Variants in PEX5L observed in about 807,000 individuals in gnomAD.
PEX5L encodes the protein peroxisomal biogenesis factor 5 like.
In PEX5L, 30 loss-of-function variants were observed where a neutral mutation model predicts 84.0. That is an observed-to-expected ratio of 0.36 (90% confidence interval 0.27 to 0.48). PEX5L has a LOEUF of 0.48. PEX5L is among the 20% of genes least tolerant of loss of function. The pLI is 0.99. For synonymous variants in PEX5L, 270 were observed against 283.1 expected, an observed-to-expected ratio of 0.95 and a Z score of 0.46; for missense variants, 533 against 754.6, an observed-to-expected ratio of 0.71 and a Z score of 3.44.
At chr3:179,937,244 G>T (rs928766276) in intron 2 of PEX5L, among the ~76,000 whole-genome samples, 1 of 152,152 alleles carries the variant, frequency 6.6e-6, no homozygotes, top group African/African-American at 2.4e-5. Context: ...TCCAAACAAA[G>T]TGTGGAGTCT....
chr3:179,954,517 C>CT (rs796120312), intron 2 of PEX5L, among the ~76,000 whole-genome samples: 26 of 151,924 alleles, frequency 1.7e-4, no homozygotes, highest in African/African-American at 4.6e-4. Context: ...TTTCTGGGAC[C>CT]TTTTTTTTGT....
intron 1 of PEX5L, among the ~76,000 whole-genome samples, chr3:180,007,650 C>T (rs1441276270): frequency 6.6e-6 from 1 of 152,244 alleles, no homozygotes; most frequent in African/African-American, 2.4e-5. Flanking sequence ...TTCCATACAT[C>T]TTTTCAAATC....
intron 1 of PEX5L, among the ~76,000 whole-genome samples, chr3:179,996,203 G>A (rs1787875999): frequency 6.6e-6 from 1 of 152,050 alleles, no homozygotes; most frequent in South Asian, 2.1e-4. Context: ...AGAGGTGAGG[G>A]TGAGGAGGTG....
chr3:179,887,674 A>G lies in PEX5L; in HGVS notation c.309T>C (p.Ala103=). The part of the protein sequence containing the change: ...AIARPVTSNT[A]VLTTGLDLLD... ...AACAGTTAAAAGTGAGAGAATTACC[A>G]GCTGTATTGGATGTTACTGGCCTTG... Residue 103 remains alanine (A), a splice_region_variant and synonymous_variant, in exon 4 of 15, where the codon GCT becomes GCC. Transcript: ENST00000467460. 1.9e-6 allele frequency: 3 copies of G among 1,576,768 alleles called. No individual in the cohort carries two copies. The highest frequency in any genetic ancestry group is 2.2e-5 in the East Asian group (1 of 44,690).
intron 2 of PEX5L, among the ~76,000 whole-genome samples, chr3:179,923,288 C>T (rs977172247): frequency 5.2e-3 from 58 of 11,214 alleles, no homozygotes; most frequent in African/African-American, 0.035. Context: ...GAGACTCCAT[C>T]TCAAAAAAAA....
intron 2 of PEX5L, among the ~76,000 whole-genome samples, chr3:179,909,664 T>A (rs746490883): frequency 7.2e-5 from 11 of 152,202 alleles, no homozygotes; most frequent in Non-Finnish European, 8.8e-5. Flanking sequence ...TAAGCCCCAG[T>A]ATTTAAGACT....
rs1417543257 is a variant in PEX5L at position 179,797,728 on chromosome 3, T to C, written c.*4100A>G. 6.6e-6 allele frequency: 1 copy of C among 151,622 alleles called. No individual in the cohort carries two copies. Among genetic ancestry groups the C allele is most frequent in the Non-Finnish European group, 1.5e-5 (1 of 67,904 alleles). 9.4% of individuals were successfully genotyped at this position (151,622 alleles called of 1,614,324 possible). ...AGTAAAATGTGGATACGAAATGAAT[T>C]TGAAATTATTTTACAAGGTTGAAAT... On this transcript the variant is annotated 3_prime_UTR_variant, in exon 15 of 15. Coordinates refer to ENST00000467460, the MANE Select transcript of PEX5L (RefSeq NM_016559.3).
rs537318315 is a variant in PEX5L at position 179,984,372 on chromosome 3, T to C, written c.22-12707A>G. 7.2e-5 allele frequency among the ~76,000 whole-genome samples: 11 copies of C among 152,178 alleles called. No individual in the cohort carries two copies. The South Asian group carries it at 2.3e-3, about 32-fold the overall frequency. ...CTAAAATTTTTTTTTGGAAATGAAG[T>C]TTTTAAAAAAATTGTGTATGTGTGT... On this transcript the variant is annotated intron_variant, in intron 1 of 14. Coordinates refer to ENST00000467460, the MANE Select transcript of PEX5L (RefSeq NM_016559.3).
chr3:179,813,131 T>G (rs1724540672), intron 10 of PEX5L, among the ~76,000 whole-genome samples: 1 of 152,212 alleles, frequency 6.6e-6, no homozygotes, highest in South Asian at 2.1e-4. Flanking sequence ...CTTAGAATGC[T>G]TCTTAAGAAA....
rs554234396 is a variant in PEX5L, at chr3:179,798,425, C to T, written c.*3403G>A. 5 of 152,322 alleles carry T rather than the reference C, an allele frequency of 3.3e-5. No individual in the cohort carries two copies. Among genetic ancestry groups the T allele is most frequent in the Admixed American group, 2.6e-4 (4 of 15,302 alleles). 9.4% of individuals were successfully genotyped at this position (152,322 alleles called of 1,614,324 possible). On this transcript the variant is annotated 3_prime_UTR_variant, in exon 15 of 15. Coordinates refer to ENST00000467460, the MANE Select transcript of PEX5L (RefSeq NM_016559.3). ...GAGAGGGATTTTTATTCCTCCTCCT[C>T]TCCCCTATCCCTCTGTCTCCTCCTC...
rs902020113 is a variant in PEX5L, at chr3:179,940,263, A to G, written c.93+31331T>C. Among the ~76,000 whole-genome samples, 8 of 151,786 alleles carry G rather than the reference A, an allele frequency of 5.3e-5. No individual in the cohort carries two copies. The South Asian group carries it at 8.4e-4, about 16-fold the overall frequency. On this transcript the variant is annotated intron_variant, in intron 2 of 14. Transcript: ENST00000467460. Reference sequence around the variant, plus strand: ...ATGAGAATGAAGCTTGGAGGAGAGGAATGGGTAAAGAGAAAGAAAGAGATG... The same window carrying G: ...ATGAGAATGAAGCTTGGAGGAGAGGGATGGGTAAAGAGAAAGAAAGAGATG...
At chr3:179,905,522 G>A (rs1762889959) in intron 2 of PEX5L, among the ~76,000 whole-genome samples, 1 of 152,158 alleles carries the variant, frequency 6.6e-6, no homozygotes, top group South Asian at 2.1e-4. Flanking sequence ...ACCTCCCAAA[G>A]TGCTGGGATT....
intron 2 of PEX5L, among the ~76,000 whole-genome samples, chr3:179,938,500 T>C (rs1343699352): frequency 6.6e-6 from 1 of 152,208 alleles, no homozygotes; most frequent in Non-Finnish European, 1.5e-5. Flanking sequence ...TTTAACACTA[T>C]GGTGTGCAAG....
In PEX5L at chr3:179,876,321, C is replaced by T. The variant is rs117508357; in HGVS notation, c.506-844G>A. ...CCAGCCTGACCAACATGGTGAAACC[C>T]TGTTTCTACTAAATAAAAAAAAAAA... On this transcript the variant is annotated intron_variant, in intron 5 of 14. Coordinates refer to ENST00000467460, the MANE Select transcript of PEX5L (RefSeq NM_016559.3). Among the ~76,000 whole-genome samples, 233 of 151,910 alleles carry T rather than the reference C, an allele frequency of 1.5e-3. 2 individuals carry two copies. The East Asian group carries it at 0.037, about 24-fold the overall frequency.
Position 180,036,865 on chromosome 3 carries a change from T to G in PEX5L, c.-266A>C, listed in dbSNP as rs1791951868. On this transcript the variant is annotated 5_prime_UTR_variant, in exon 1 of 15. Coordinates refer to ENST00000467460, the MANE Select transcript of PEX5L (RefSeq NM_016559.3). ...AGGAGCCGGGTCGGCCAGGCTCTCC[T>G]GCAGGCGCGGGTCCTGCTCGCGGGG... 1 of 551,126 alleles carries G rather than the reference T, an allele frequency of 1.8e-6. No homozygotes were observed. The highest frequency in any genetic ancestry group is 3.3e-6 in the Non-Finnish European group (1 of 304,810). 34.1% of individuals were successfully genotyped at this position (551,126 alleles called of 1,614,324 possible).
intron 8 of PEX5L, among the ~76,000 whole-genome samples, chr3:179,839,678 T>C (rs937076840): frequency 1.3e-5 from 2 of 152,214 alleles, no homozygotes; most frequent in African/African-American, 2.4e-5. Context: ...TTTGTGATTA[T>C]ACATCCGTGC....
intron 2 of PEX5L, among the ~76,000 whole-genome samples, chr3:179,961,970 T>G (rs1056394681): frequency 3.7e-5 from 2 of 54,642 alleles, no homozygotes; most frequent in Non-Finnish European, 8.3e-5. Flanking sequence ...AGAAAAACCA[T>G]CTGTGTCAAC....
chr3:179,941,249 C>T (rs1776001020), intron 2 of PEX5L, among the ~76,000 whole-genome samples: 1 of 152,192 alleles, frequency 6.6e-6, no homozygotes, highest in South Asian at 2.1e-4. Context: ...ATGTACAGTT[C>T]AGCGGCATTT....
At chr3:179,998,339 G>T (rs1204122512) in intron 1 of PEX5L, among the ~76,000 whole-genome samples, 1 of 152,178 alleles carries the variant, frequency 6.6e-6, no homozygotes, top group East Asian at 1.9e-4. Flanking sequence ...TTGGAGTGGG[G>T]TCCAGAACAG....
Sources: gnomAD v4.1 joint callset for allele counts (sites outside exome capture counted in the v4.1 genomes callset) on GRCh38, gnomAD v4.1.1 for gene constraint, MANE v1.5 for transcripts, NCBI Gene and HGNC (gene_info 2026-07-23, HGNC 2026-07-21) for gene names.